LPGAT1: variants seen among roughly 807,000 people sequenced by gnomAD.
The protein encoded by LPGAT1 is acyl-CoA:lysophosphatidylglycerol acyltransferase 1.
Under a neutral mutation model 47.5 loss-of-function variants are expected in LPGAT1, and 11 were observed. That is an observed-to-expected ratio of 0.23 (90% CI 0.15 to 0.38). LPGAT1 has a LOEUF of 0.38. Among genes scored for constraint, LPGAT1 ranks in the 10% least tolerant of loss-of-function variants. The pLI is 1.00. For missense variants in LPGAT1, 293 were observed against 439.0 expected (o/e 0.67, Z 2.97); for synonymous variants, 138 against 144.2 (o/e 0.96, Z 0.31).
At chr1:211,752,318 A>C (rs890636496) in intron 6 of LPGAT1, among the ~76,000 whole-genome samples, 2 of 152,168 alleles carry the variant, frequency 1.3e-5, no homozygotes. Flanking sequence ...AAAATATTCT[A>C]CGCTTTGCAG....
chr1:211,801,214 T>C (rs558741705), intron 2 of LPGAT1, among the ~76,000 whole-genome samples: 104 of 152,266 alleles, frequency 6.8e-4, no homozygotes, highest in African/African-American at 2.4e-3. Context: ...CTCCTGATAC[T>C]AGGAAGAAAA....
Position 211,830,329 on chromosome 1 carries a change from G to C in LPGAT1, c.-28+244C>G. On this transcript the variant is annotated intron_variant, in intron 1 of 7. Coordinates refer to ENST00000366997, the MANE Select transcript of LPGAT1 (RefSeq NM_014873.3). The surrounding 1 kb of genome is among the most constrained non-coding windows in gnomAD (Gnocchi z 5.9). ...CTGGCGCCCTACTCCCCTCGCGGCT[G>C]CCTGCGGACAGAGGGACGGCGGGGA... 8.9e-7 allele frequency: 1 copy of C among 1,125,244 alleles called. No individual in the cohort carries two copies. 69.7% of individuals were successfully genotyped at this position (1,125,244 alleles called of 1,614,324 possible).
At chr1:211,767,015 G>GTAA (rs35139935) in intron 6 of LPGAT1, among the ~76,000 whole-genome samples, 47,922 of 151,668 alleles carry the variant, frequency 0.32, 8,853 homozygotes, top group Non-Finnish European at 0.43. Flanking sequence ...TATTTGTAAG[G>GTAA]ATGATTCACC....
rs1022396981 is a variant in LPGAT1 at position 211,747,947 on chromosome 1, A to G, written c.*1952T>C. ...TTTACCAGTAGTAGTATAATATTCA[A>G]TGAGGTATTTCAGTTAATGCATCAT... is the stretch of plus-strand genomic sequence containing the variant. On this transcript the variant is annotated 3_prime_UTR_variant, in exon 8 of 8. Transcript: ENST00000366997. The G allele has an allele frequency of 1.3e-5, 2 of 152,638 alleles. No individual in the cohort carries two copies. The highest frequency in any genetic ancestry group is 4.8e-5 in the African/African-American group (2 of 41,448). The allele number at this position is 152,638 out of a possible 1,614,324, so 9.5% of individuals were successfully genotyped here.
At chr1:211,806,337 A>T (rs926797680) in intron 2 of LPGAT1, among the ~76,000 whole-genome samples, 11 of 146,088 alleles carry the variant, frequency 7.5e-5, no homozygotes, top group African/African-American at 2.2e-4. Flanking sequence ...CCACAGCAAT[A>T]AAAAAAAAAA....
In LPGAT1 at chr1:211,746,793, T is replaced by A. The variant is rs529281895; in HGVS notation, c.*3106A>T. ...TAATTTTTCTTTACCTTCCATTACTTACAGGTTTCTCTGCAATTTAAGTAC... is the reference window on the plus strand; with the variant it reads ...TAATTTTTCTTTACCTTCCATTACTAACAGGTTTCTCTGCAATTTAAGTAC... On this transcript the variant is annotated 3_prime_UTR_variant, in exon 8 of 8. Transcript: ENST00000366997. 1 of 152,360 alleles carries A rather than the reference T, an allele frequency of 6.6e-6. No homozygotes were observed. The highest frequency in any genetic ancestry group is 2.4e-5 in the African/African-American group (1 of 41,582). 9.4% of individuals were successfully genotyped at this position (152,360 alleles called of 1,614,324 possible).
chr1:211,793,812 G>A (rs929435374), intron 2 of LPGAT1, among the ~76,000 whole-genome samples: 3 of 152,174 alleles, frequency 2.0e-5, no homozygotes. Context: ...AAAGATATAT[G>A]TATAAAGAAT....
intron 2 of LPGAT1, 94 bp from the exon 3 acceptor site, chr1:211,793,284 A>G (rs1197167489): frequency 4.9e-5 from 35 of 709,130 alleles, no homozygotes; most frequent in Non-Finnish European, 7.8e-5. Flanking sequence ...ATTAATGATG[A>G]TATGTCACCT....
chr1:211,771,651 T>C (rs1658177785), intron 6 of LPGAT1, among the ~76,000 whole-genome samples: 1 of 151,798 alleles, frequency 6.6e-6, no homozygotes, highest in South Asian at 2.1e-4. Context: ...TTACAGGCGC[T>C]CACCACCATA....
At chr1:211,796,247 A>G (rs1362898330) in intron 2 of LPGAT1, among the ~76,000 whole-genome samples, 1 of 152,200 alleles carries the variant, frequency 6.6e-6, no homozygotes, top group Non-Finnish European at 1.5e-5. Flanking sequence ...TGAACAGTAT[A>G]CTCCAAAAAT....
intron 6 of LPGAT1, among the ~76,000 whole-genome samples, chr1:211,765,924 C>T (rs1330445767): frequency 1.3e-5 from 2 of 152,054 alleles, no homozygotes; most frequent in African/African-American, 4.8e-5. Context: ...GTAAAGTGGA[C>T]ACTCCCTTCC....
At chr1:211,776,183 C>G (rs921424517) in intron 6 of LPGAT1, among the ~76,000 whole-genome samples, 50 of 151,958 alleles carry the variant, frequency 3.3e-4, no homozygotes, top group African/African-American at 1.0e-3. Flanking sequence ...TAAGTGGGAT[C>G]TAATAAAAGC....
rs1461326416 is a variant in LPGAT1, at chr1:211,744,997, A to G, written c.*4902T>C. On this transcript the variant is annotated 3_prime_UTR_variant, in exon 8 of 8. Transcript: ENST00000366997. ...AAAAGCACTTTAATTGAAAAAAATC[A>G]ACTTTATTTTTTCTAGGTTTAAAAA... The G allele has an allele frequency of 6.6e-6, 1 of 152,632 alleles. No individual in the cohort carries two copies. The highest frequency in any genetic ancestry group is 2.4e-5 in the African/African-American group (1 of 41,448). 9.5% of individuals were successfully genotyped at this position (152,632 alleles called of 1,614,324 possible). A position where few individuals can be genotyped will look rare whatever the true frequency, so the allele number is the denominator to read the frequency against.
chr1:211,798,425 C>T (rs1345862197), intron 2 of LPGAT1, among the ~76,000 whole-genome samples: 2 of 152,134 alleles, frequency 1.3e-5, no homozygotes, highest in African/African-American at 2.4e-5. Context: ...TGCCTCATAC[C>T]TGTAATCCCA....
At chr1:211,822,777 C>A (rs1660407526) in intron 2 of LPGAT1, among the ~76,000 whole-genome samples, 3 of 141,390 alleles carry the variant, frequency 2.1e-5, no homozygotes, top group African/African-American at 2.6e-5. Context: ...GACTTCATCT[C>A]AAAAAAAAAA....
intron 1 of LPGAT1, chr1:211,829,850 C>T: frequency 1.0e-6 from 1 of 981,244 alleles, no homozygotes; most frequent in Non-Finnish European, 1.2e-6. Context: ...TCATTTGTAG[C>T]AATAGGGTTT....
At chr1:211,826,146 A>G (rs11119816) in intron 2 of LPGAT1, among the ~76,000 whole-genome samples, 12,703 of 152,220 alleles carry the variant, frequency 0.083, 650 homozygotes, top group Admixed American at 0.15. Context: ...AATGCAAACT[A>G]AAGTATAAGA....
intron 2 of LPGAT1, among the ~76,000 whole-genome samples, chr1:211,822,918 T>A (rs1016242489): frequency 1.7e-4 from 26 of 152,190 alleles, no homozygotes; most frequent in Non-Finnish European, 3.1e-4. Context: ...CTTAAGGAAG[T>A]TAGATTTTAT....
intron 2 of LPGAT1, among the ~76,000 whole-genome samples, chr1:211,822,809 ACAT>A (rs1660408906): frequency 6.6e-6 from 1 of 151,860 alleles, no homozygotes; most frequent in Non-Finnish European, 1.5e-5. Flanking sequence ...TGTCAACCTA[ACAT>A]CATGCAGTAA....
Sources: gnomAD v4.1 joint callset for allele counts (sites outside exome capture counted in the v4.1 genomes callset) on GRCh38, gnomAD v4.1.1 for gene constraint, Gnocchi (gnomAD v3.1) non-coding constraint, MANE v1.5 for transcripts, NCBI Gene and HGNC (gene_info 2026-07-23, HGNC 2026-07-21) for gene names.